The following TUSC3 variants were observed in gnomAD, a reference collection of about 807,000 sequenced individuals.
TUSC3 encodes tumor suppressor candidate 3, also known as dolichyl-diphosphooligosaccharide--protein glycosyltransferase subunit TUSC3.
A neutral mutation model predicts 44.8 loss-of-function variants in TUSC3; 45 were observed. The observed-to-expected ratio is 1.00, with a 90% CI of 0.79 to 1.29. TUSC3 has a LOEUF of 1.29. Among genes scored for constraint, TUSC3 ranks in the 50% most tolerant of loss-of-function variants. The probability of loss-of-function intolerance (pLI) is 0.00; values close to 1 mark genes in which losing one functional copy is unlikely to be tolerated. For missense variants in TUSC3, 519 were observed against 437.9 expected (o/e 1.19, Z -1.65); for synonymous variants, 212 against 152.9 (o/e 1.39, Z -2.85).
At chr8:15,432,871 T>C (rs1482105372) in intron 1 of TUSC3, among the ~76,000 whole-genome samples, 1 of 152,158 alleles carries the variant, frequency 6.6e-6, no homozygotes, top group African/African-American at 2.4e-5. Context: ...CCAGGTCAGT[T>C]AGGGGCTGAT....
At chr8:15,652,366 CT>C (rs1279307996) in intron 3 of TUSC3, among the ~76,000 whole-genome samples, 5 of 152,156 alleles carry the variant, frequency 3.3e-5, no homozygotes, top group Middle Eastern at 3.2e-3. Flanking sequence ...TAAATTCTCT[CT>C]TTTTGCCTTC....
intron 1 of TUSC3, among the ~76,000 whole-genome samples, chr8:15,597,408 AG>A (rs2129153126): frequency 6.6e-6 from 1 of 152,228 alleles, no homozygotes; most frequent in Non-Finnish European, 1.5e-5. Context: ...ATTAGTTGCT[AG>A]TATATGTATG....
intron 1 of TUSC3, among the ~76,000 whole-genome samples, chr8:15,588,988 T>G (rs1803711179): frequency 1.3e-5 from 2 of 152,200 alleles, no homozygotes; most frequent in African/African-American, 4.8e-5. Flanking sequence ...TTGGGTAATG[T>G]GATGCTTCCA....
the TUSC3 span, among the ~76,000 whole-genome samples, chr8:15,815,882 A>C: frequency 6.6e-6 from 1 of 152,180 alleles, no homozygotes; most frequent in South Asian, 2.1e-4. Context: ...TTCCAGAATA[A>C]ATTATCATAC....
chr8:15,572,842 AT>A (rs950000128), intron 1 of TUSC3, among the ~76,000 whole-genome samples: 2 of 152,118 alleles, frequency 1.3e-5, no homozygotes, highest in African/African-American at 4.8e-5. Flanking sequence ...ACATTTATCG[AT>A]TAAATTTGCC....
chr8:15,591,306 A>T (rs1803829231), intron 1 of TUSC3, among the ~76,000 whole-genome samples: 1 of 149,930 alleles, frequency 6.7e-6, no homozygotes, highest in African/African-American at 2.5e-5. Context: ...AGGGTTTATT[A>T]TGTCTACATT....
chr8:15,788,796 C>T, the TUSC3 span, among the ~76,000 whole-genome samples: 9,341 of 152,186 alleles, frequency 0.061, 314 homozygotes, highest in Non-Finnish European at 0.079. Context: ...TGCTAACATC[C>T]TCATCATTTC....
the TUSC3 span, among the ~76,000 whole-genome samples, chr8:15,803,914 G>A: frequency 9.2e-5 from 14 of 152,162 alleles, no homozygotes; most frequent in Non-Finnish European, 1.6e-4. Context: ...ATTCCATGGT[G>A]TATATGTGCC....
At chr8:15,498,264 T>G (rs560233364) in intron 2 of TUSC3, among the ~76,000 whole-genome samples, 1 of 152,284 alleles carries the variant, frequency 6.6e-6, no homozygotes, top group South Asian at 2.1e-4. Flanking sequence ...GAACACAGAT[T>G]GAGTAGACTA....
chr8:15,468,539 G>A (rs1800444529), intron 1 of TUSC3, among the ~76,000 whole-genome samples: 1 of 152,230 alleles, frequency 6.6e-6, no homozygotes, highest in African/African-American at 2.4e-5. Context: ...ATTAGCATGA[G>A]TTATACATTA....
chr8:15,632,566 T>C (rs2129168519), intron 2 of TUSC3, among the ~76,000 whole-genome samples: 1 of 152,310 alleles, frequency 6.6e-6, no homozygotes, highest in Middle Eastern at 3.4e-3. Context: ...GGGAGATCAA[T>C]TGAATATCCT....
intron 1 of TUSC3, among the ~76,000 whole-genome samples, chr8:15,429,560 C>T (rs1799846898): frequency 8.0e-6 from 1 of 125,540 alleles, no homozygotes; most frequent in South Asian, 2.6e-4. Context: ...TTACCTTGTG[C>T]AGTATGGCCA....
chr8:15,785,858 C>A, the TUSC3 span, among the ~76,000 whole-genome samples: 1 of 151,984 alleles, frequency 6.6e-6, no homozygotes, highest in Non-Finnish European at 1.5e-5. Flanking sequence ...AACTTATCCT[C>A]CTGGATAGAG....
the TUSC3 span, among the ~76,000 whole-genome samples, chr8:15,812,921 C>G: frequency 1.3e-5 from 2 of 151,988 alleles, no homozygotes; most frequent in African/African-American, 4.8e-5. Context: ...TGGCGAAACC[C>G]CATCTCTACT....
intron 7 of TUSC3, among the ~76,000 whole-genome samples, chr8:15,737,953 T>C (rs947975066): frequency 6.6e-6 from 1 of 152,168 alleles, no homozygotes; most frequent in African/African-American, 2.4e-5. Context: ...GTTAATACAA[T>C]GAAATTTAAG....
At chr8:15,753,788 C>T (rs352793) in intron 9 of TUSC3, among the ~76,000 whole-genome samples, 1 of 152,044 alleles carries the variant, frequency 6.6e-6, no homozygotes, top group East Asian at 1.9e-4. Context: ...TGGACACACC[C>T]TGAGCCAAAT....
At chr8:15,829,007 C>T in the TUSC3 span, among the ~76,000 whole-genome samples, 1 of 152,154 alleles carries the variant, frequency 6.6e-6, no homozygotes, top group South Asian at 2.1e-4. Flanking sequence ...TAGCAGAGTT[C>T]CTGCCAATCT....
chr8:15,688,489 G>C (rs959711526), intron 6 of TUSC3, among the ~76,000 whole-genome samples: 1 of 142,862 alleles, frequency 7.0e-6, no homozygotes, highest in African/African-American at 2.6e-5. Context: ...CTGTTATATA[G>C]TTAAATTGTG....
intron 7 of TUSC3, among the ~76,000 whole-genome samples, chr8:15,735,686 T>C (rs774144896): frequency 2.0e-5 from 3 of 152,038 alleles, no homozygotes; most frequent in Admixed American, 1.3e-4. Context: ...ACAGTGGATA[T>C]GTTGATTTAT....
Sources: allele counts gnomAD v4.1 joint callset (sites outside exome capture counted in the v4.1 genomes callset), GRCh38; gene constraint gnomAD v4.1.1; transcripts MANE v1.5; gene names NCBI Gene and HGNC (gene_info 2026-07-23, HGNC 2026-07-21).